The following SHOC2 variants were observed in gnomAD, a reference collection of about 807,000 sequenced individuals.
The protein encoded by SHOC2 is leucine-rich repeat protein SHOC-2.
In SHOC2, 4 loss-of-function variants were observed where a neutral mutation model predicts 50.2. That is an observed-to-expected ratio of 0.08 (90% CI 0.04 to 0.18). The LOEUF is 0.18. SHOC2 is among the 10% of genes least tolerant of loss of function. The probability of loss-of-function intolerance (pLI) is 1.00; values close to 1 mark genes in which losing one functional copy is unlikely to be tolerated. For missense variants in SHOC2, 388 were observed against 669.6 expected (o/e 0.58, Z 4.64); for synonymous variants, 218 against 244.5 (o/e 0.89, Z 1.01).
At chr10:110,963,335 G>T (rs1180829965) in intron 1 of SHOC2, among the ~76,000 whole-genome samples, 1 of 151,844 alleles carries the variant, frequency 6.6e-6, no homozygotes, top group Non-Finnish European at 1.5e-5. Context: ...TTCTTTTTCA[G>T]TCCCTAGAAT....
chr10:111,000,289 A>C, intron 3 of SHOC2, 126 bp from the exon 4 acceptor site: 1 of 847,090 alleles, frequency 1.2e-6, no homozygotes, highest in Non-Finnish European at 1.9e-6. Context: ...CTTGTGCTAG[A>C]AGTTAAGGAA....
At chr10:110,988,898 C>G in intron 3 of SHOC2, 1 of 465,928 alleles carries the variant, frequency 2.1e-6, no homozygotes, top group South Asian at 1.5e-5. Context: ...TCTAATTTAC[C>G]CTTTTGTTTC....
intron 3 of SHOC2, among the ~76,000 whole-genome samples, chr10:110,997,359 A>G (rs1026073596): frequency 6.6e-6 from 1 of 152,264 alleles, no homozygotes; most frequent in Non-Finnish European, 1.5e-5. Flanking sequence ...AAATTTTAAA[A>G]TATAGAAAAT....
intron 1 of SHOC2, among the ~76,000 whole-genome samples, chr10:110,927,908 T>C (rs12256152): frequency 0.071 from 10,841 of 152,286 alleles, 765 homozygotes; most frequent in East Asian, 0.3. Context: ...ATGGAGTCAC[T>C]ATTTTTAAAA....
chr10:110,988,629 C>G (rs1401106133), intron 3 of SHOC2, among the ~76,000 whole-genome samples: 1 of 152,034 alleles, frequency 6.6e-6, no homozygotes, highest in African/African-American at 2.4e-5. Flanking sequence ...TGTTGATCCT[C>G]TCTTAGTTTT....
At chr10:110,980,806 C>T (rs1480695236) in intron 2 of SHOC2, among the ~76,000 whole-genome samples, 2 of 151,898 alleles carry the variant, frequency 1.3e-5, no homozygotes, top group African/African-American at 4.8e-5. Context: ...TTTTTTCACC[C>T]CAACTTCCCC....
chr10:110,953,075 T>A (rs549321050), intron 1 of SHOC2, among the ~76,000 whole-genome samples: 1 of 152,384 alleles, frequency 6.6e-6, no homozygotes, highest in African/African-American at 2.4e-5. Flanking sequence ...CCTTTGGCTA[T>A]ATACCCAGTA....
chr10:111,006,761 T>C (rs1194609379), intron 5 of SHOC2, among the ~76,000 whole-genome samples: 2 of 152,184 alleles, frequency 1.3e-5, no homozygotes, highest in African/African-American at 4.8e-5. Flanking sequence ...ACATACATTG[T>C]TGGTATTGAG....
chr10:110,974,416 T>C (rs1368645277), intron 2 of SHOC2, among the ~76,000 whole-genome samples: 4 of 152,054 alleles, frequency 2.6e-5, no homozygotes, highest in Admixed American at 1.3e-4. Context: ...TGTAAAAATA[T>C]CAGCAAGGTC....
chr10:110,930,749 T>G (rs1846879064), intron 1 of SHOC2, among the ~76,000 whole-genome samples: 1 of 150,620 alleles, frequency 6.6e-6, no homozygotes, highest in African/African-American at 2.4e-5. Context: ...TTTTTTTTTT[T>G]TGGTAGTGTT....
intron 2 of SHOC2, 24 bp downstream of exon 2, chr10:110,965,085 A>C (rs1590804893): frequency 6.3e-7 from 1 of 1,589,490 alleles, no homozygotes. Context: ...GATTATTATT[A>C]TTTGTAGTAT....
chr10:111,002,430 A>G (rs764127566), intron 4 of SHOC2, among the ~76,000 whole-genome samples: 17 of 152,176 alleles, frequency 1.1e-4, no homozygotes, highest in Non-Finnish European at 2.4e-4. Flanking sequence ...TAAAATGACT[A>G]TTTTGTCATT....
intron 1 of SHOC2, among the ~76,000 whole-genome samples, chr10:110,921,278 A>AG (rs1291633082): frequency 6.6e-6 from 1 of 152,238 alleles, no homozygotes; most frequent in East Asian, 1.9e-4. Flanking sequence ...TATGGAACTT[A>AG]GACTGAGTAT....
chr10:110,944,723 T>G (rs1847215598), intron 1 of SHOC2, among the ~76,000 whole-genome samples: 1 of 152,252 alleles, frequency 6.6e-6, no homozygotes, highest in Non-Finnish European at 1.5e-5. Flanking sequence ...TTTTGTGAAT[T>G]AATTCTGCAA....
chr10:110,954,849 G>A (rs939614608), intron 1 of SHOC2, among the ~76,000 whole-genome samples: 3 of 152,124 alleles, frequency 2.0e-5, no homozygotes, highest in Non-Finnish European at 4.4e-5. Flanking sequence ...CACAGACAAG[G>A]GCTTGAGGTA....
At chr10:110,985,546 A>G in intron 2 of SHOC2, 82 bp from the exon 3 acceptor site, 1 of 1,039,482 alleles carries the variant, frequency 9.6e-7, no homozygotes, top group South Asian at 1.4e-5. Flanking sequence ...CAGAAATTAT[A>G]GATTTATTTT....
intron 1 of SHOC2, among the ~76,000 whole-genome samples, chr10:110,961,230 G>C (rs1253871784): frequency 6.6e-6 from 1 of 152,160 alleles, no homozygotes; most frequent in Non-Finnish European, 1.5e-5. Flanking sequence ...ATGAGTGCAA[G>C]ATTCAAATTT....
chr10:110,969,710 A>G (rs1251774298), intron 2 of SHOC2, among the ~76,000 whole-genome samples: 1 of 151,994 alleles, frequency 6.6e-6, no homozygotes, highest in Non-Finnish European at 1.5e-5. Context: ...AATGTGTTTT[A>G]CCTACATTGT....
intron 1 of SHOC2, among the ~76,000 whole-genome samples, chr10:110,929,561 C>T (rs954036225): frequency 3.3e-5 from 5 of 152,128 alleles, no homozygotes; most frequent in Non-Finnish European, 7.3e-5. Flanking sequence ...CTTACAGTTC[C>T]GAAGGCTAGA....
Sources: gnomAD v4.1 joint callset for allele counts (sites outside exome capture counted in the v4.1 genomes callset) on GRCh38, gnomAD v4.1.1 for gene constraint, MANE v1.5 for transcripts, NCBI Gene and HGNC (gene_info 2026-07-23, HGNC 2026-07-21) for gene names.